Variants in XKR4 observed in about 807,000 individuals in gnomAD.
XKR4 encodes XK related 4.
In XKR4, 12 loss-of-function variants were observed where a neutral mutation model predicts 53.9. That is an observed-to-expected ratio of 0.22 (90% confidence interval 0.14 to 0.36). The LOEUF (loss-of-function observed/expected upper bound fraction) is 0.36, where lower values mean the gene tolerates loss of function less well. XKR4 is among the 10% of genes least tolerant of loss of function. XKR4 has a pLI of 1.00. For synonymous variants in XKR4, 354 were observed against 362.4 expected (o/e 0.98, Z 0.26); for missense variants, 799 against 859.5 (o/e 0.93, Z 0.88).
At chr8:55,215,916 G>A (rs916418739) in intron 1 of XKR4, among the ~76,000 whole-genome samples, 2 of 152,134 alleles carry the variant, frequency 1.3e-5, no homozygotes, top group Non-Finnish European at 2.9e-5. Flanking sequence ...GATGGCGATT[G>A]AAAAGAAACT....
intron 1 of XKR4, among the ~76,000 whole-genome samples, chr8:55,152,554 G>A (rs553431550): frequency 1.3e-5 from 2 of 152,022 alleles, no homozygotes; most frequent in East Asian, 1.9e-4. Context: ...TCTTATAAAG[G>A]GTTGATTACT....
At chr8:55,332,596 C>A (rs1803397947) in intron 1 of XKR4, among the ~76,000 whole-genome samples, 1 of 151,962 alleles carries the variant, frequency 6.6e-6, no homozygotes, top group South Asian at 2.1e-4. Context: ...ACAGTTTTTT[C>A]CCCCTTTCAG....
intron 1 of XKR4, among the ~76,000 whole-genome samples, chr8:55,134,975 C>A (rs143962388): frequency 3.5e-3 from 536 of 151,116 alleles, no homozygotes; most frequent in Non-Finnish European, 4.9e-3. Flanking sequence ...AGTTTTTTGA[C>A]AACATGCATA....
chr8:55,188,345 C>G (rs1290427627), intron 1 of XKR4, among the ~76,000 whole-genome samples: 1 of 152,022 alleles, frequency 6.6e-6, no homozygotes, highest in Non-Finnish European at 1.5e-5. Flanking sequence ...ATTGAATTTA[C>G]CAAATTCAGA....
chr8:55,305,009 A>T (rs1396345458), intron 1 of XKR4, among the ~76,000 whole-genome samples: 1 of 152,158 alleles, frequency 6.6e-6, no homozygotes, highest in South Asian at 2.1e-4. Context: ...ATTTATATTA[A>T]TGTAAGACTA....
chr8:55,331,628 G>A (rs1167007195), intron 1 of XKR4, among the ~76,000 whole-genome samples: 1 of 152,124 alleles, frequency 6.6e-6, no homozygotes, highest in Non-Finnish European at 1.5e-5. Context: ...GAAGTCTGAT[G>A]CTTGAGGCAT....
chr8:55,466,280 A>G (rs1192140406), intron 2 of XKR4, among the ~76,000 whole-genome samples: 3 of 152,114 alleles, frequency 2.0e-5, no homozygotes, highest in Non-Finnish European at 4.4e-5. Context: ...AATGTGGCAC[A>G]TACACCCTGG....
chr8:55,126,464 C>A (rs7836659), intron 1 of XKR4, among the ~76,000 whole-genome samples: 81,099 of 152,158 alleles, frequency 0.53, 23,018 homozygotes, highest in South Asian at 0.72. Context: ...TCCAGAAATT[C>A]TTTAAGTCAT....
At chr8:55,450,152 G>T (rs576036172) in intron 2 of XKR4, 2 of 677,918 alleles carry the variant, frequency 3.0e-6, no homozygotes, top group Non-Finnish European at 2.7e-6. Flanking sequence ...CTCTGCAGGC[G>T]TGAGATGGCG....
intron 1 of XKR4, among the ~76,000 whole-genome samples, chr8:55,338,572 T>C (rs1803498886): frequency 6.6e-6 from 1 of 152,184 alleles, no homozygotes; most frequent in African/African-American, 2.4e-5. Flanking sequence ...TATTTACACA[T>C]TGTTTCTGAC....
At chr8:55,122,760 A>T (rs1354476618) in intron 1 of XKR4, among the ~76,000 whole-genome samples, 1 of 152,318 alleles carries the variant, frequency 6.6e-6, no homozygotes, top group East Asian at 1.9e-4. Context: ...AATGAACTCT[A>T]TTCTAAATGC....
At position 55,463,193 on chromosome 8, in the gene XKR4, C is replaced by T. The variant is rs1032425207; in HGVS notation, c.1007-60088C>T. Reference sequence around the variant, plus strand: ...ATACATTCTTTTCAGCACTACACCACACCTATTCCAAAATTGACCACATAG... The same window carrying T: ...ATACATTCTTTTCAGCACTACACCATACCTATTCCAAAATTGACCACATAG... On this transcript the variant is annotated intron_variant, in intron 2 of 2. Coordinates refer to ENST00000327381, the MANE Select transcript of XKR4 (RefSeq NM_052898.2). Among the ~76,000 whole-genome samples the T allele has an allele frequency of 2.6e-5, 4 of 152,330 alleles. No individual in the cohort carries two copies. The East Asian group carries it at 7.7e-4, about 29-fold the overall frequency.
In XKR4 at chr8:55,527,874, C is replaced by T. The variant is rs1016511281; in HGVS notation, c.*3647C>T. The stretch of plus-strand genomic sequence containing the variant: ...GCTCTATGAGTAAAGGAAGTGATTG[C>T]ACAGAACAATTAAAAGTGAATGAGA... On this transcript the variant is annotated 3_prime_UTR_variant, in exon 3 of 3. Transcript: ENST00000327381. The T allele has an allele frequency of 6.6e-6, 1 of 152,074 alleles. No homozygotes were observed. The highest frequency in any genetic ancestry group is 1.5e-5 in the Non-Finnish European group (1 of 67,994). 9.4% of individuals were successfully genotyped at this position (152,074 alleles called of 1,614,324 possible).
At chr8:55,151,736 GAGAC>G (rs1816843382) in intron 1 of XKR4, among the ~76,000 whole-genome samples, 1 of 152,188 alleles carries the variant, frequency 6.6e-6, no homozygotes, top group Non-Finnish European at 1.5e-5. Context: ...TGCAGAGACA[GAGAC>G]AGGTCTACAG....
In XKR4 at chr8:55,147,653, C is replaced by T. The variant is rs902601572; in HGVS notation, c.806+44359C>T. On this transcript the variant is annotated intron_variant, in intron 1 of 2. Transcript: ENST00000327381. ...TGTCTCTTTGGCTTGAAATGTAGTGCGTATTAGAGCACTGGCATCGAGATT... is the reference window on the plus strand; with the variant it reads ...TGTCTCTTTGGCTTGAAATGTAGTGTGTATTAGAGCACTGGCATCGAGATT... Among the ~76,000 whole-genome samples the T allele has an allele frequency of 8.6e-5, 13 of 152,014 alleles. 1 individual carries two copies. The highest frequency in any genetic ancestry group is 2.1e-4 in the South Asian group (1 of 4,822).
At chr8:55,150,728 A>G (rs1431798176) in intron 1 of XKR4, among the ~76,000 whole-genome samples, 2 of 152,168 alleles carry the variant, frequency 1.3e-5, no homozygotes, top group Admixed American at 1.3e-4. Flanking sequence ...CATTTATGAC[A>G]TGTCACAGCC....
At chr8:55,213,621 G>A (rs977451927) in intron 1 of XKR4, among the ~76,000 whole-genome samples, 4 of 152,132 alleles carry the variant, frequency 2.6e-5, no homozygotes, top group African/African-American at 9.7e-5. Context: ...AAGGGGGTTT[G>A]TTTTGGGAAA....
chr8:55,505,423 C>T (rs995246516), intron 2 of XKR4, among the ~76,000 whole-genome samples: 2 of 152,168 alleles, frequency 1.3e-5, no homozygotes, highest in Non-Finnish European at 2.9e-5. Context: ...TGATGGCACA[C>T]ACCCATAGTC....
At chr8:55,381,686 C>T (rs990704904) in intron 2 of XKR4, among the ~76,000 whole-genome samples, 2 of 152,102 alleles carry the variant, frequency 1.3e-5, no homozygotes, top group African/African-American at 2.4e-5. Flanking sequence ...GACCATGGAC[C>T]GACGTGCTGT....
Sources: allele counts gnomAD v4.1 joint callset (sites outside exome capture counted in the v4.1 genomes callset), GRCh38; gene constraint gnomAD v4.1.1; transcripts MANE v1.5; gene names NCBI Gene and HGNC (gene_info 2026-07-23, HGNC 2026-07-21).